DLGAP2: variants seen among roughly 807,000 people sequenced by gnomAD.
DLGAP2 encodes DLG associated protein 2.
Under a neutral mutation model 100.3 loss-of-function variants are expected in DLGAP2, and 26 were observed. That is an observed-to-expected ratio of 0.26 (90% CI 0.19 to 0.36). The LOEUF is 0.36. DLGAP2 is among the 10% of genes least tolerant of loss of function. The probability of loss-of-function intolerance (pLI) is 1.00; values close to 1 mark genes in which losing one functional copy is unlikely to be tolerated. For synonymous variants in DLGAP2, 886 were observed against 630.1 expected (o/e 1.41, Z -6.08); for missense variants, 1,858 against 1,453.2 (o/e 1.28, Z -4.53).
rs528312578 is a variant in DLGAP2 at position 767,993 on chromosome 8, T to C, written c.18+30168T>C. Among the ~76,000 whole-genome samples the C allele has an allele frequency of 5.9e-5, 9 of 152,292 alleles. No homozygotes were observed. In the South Asian group the frequency reaches 1.9e-3, roughly 32 times the overall value. On this transcript the variant is annotated intron_variant, in intron 1 of 14. Transcript: ENST00000637795. ...AGACATTAACTCAGAAAAGCAACACTTCTCTGATGTATAATTTAGAGGGAC... is the reference window on the plus strand; with the variant it reads ...AGACATTAACTCAGAAAAGCAACACCTCTCTGATGTATAATTTAGAGGGAC...
rs1799695825 is a variant in DLGAP2, at chr8:1,706,001, A to G, written c.*4595A>G. 1 of 152,234 alleles carries G rather than the reference A, an allele frequency of 6.6e-6. No homozygotes were observed. The highest frequency in any genetic ancestry group is 2.1e-4 in the South Asian group (1 of 4,836). The allele number at this position is 152,234 out of a possible 1,614,324, so 9.4% of individuals were successfully genotyped here. A position where few individuals can be genotyped will look rare whatever the true frequency, so the allele number is the denominator to read the frequency against. On this transcript the variant is annotated 3_prime_UTR_variant, in exon 15 of 15. Transcript: ENST00000637795. ...ATGTGGCAGCCATGACACACACCACATAAGGTCAGCTCAGAGCCCATGGCT... is the reference window on the plus strand; with the variant it reads ...ATGTGGCAGCCATGACACACACCACGTAAGGTCAGCTCAGAGCCCATGGCT...
At chr8:974,169 A>G (rs904367627) in intron 2 of DLGAP2, among the ~76,000 whole-genome samples, 1 of 152,212 alleles carries the variant, frequency 6.6e-6, no homozygotes, top group African/African-American at 2.4e-5. Context: ...CCAGGAAGCT[A>G]AAAGAACCAG....
intron 2 of DLGAP2, among the ~76,000 whole-genome samples, chr8:1,213,110 G>C (rs1798140469): frequency 6.6e-6 from 1 of 152,082 alleles, no homozygotes; most frequent in Non-Finnish European, 1.5e-5. Context: ...AAGATCTCCA[G>C]GTTTTCCTAG....
rs11136411 is a variant in DLGAP2, at chr8:1,553,408, C to T, written c.1230+3725C>T. Among the ~76,000 whole-genome samples the T allele has an allele frequency of 2.1e-3, 93 of 43,396 alleles. No homozygotes were observed. The East Asian group carries it at 0.035, about 16-fold the overall frequency. The allele number at this position is 43,396 out of a possible 152,430, so 28.5% of individuals were successfully genotyped here. ...TCGGCATGTTCACGGGCAGCAGCCCCATTTTGTTTGGCGTGTTCACGGGCA... is the reference window on the plus strand; with the variant it reads ...TCGGCATGTTCACGGGCAGCAGCCCTATTTTGTTTGGCGTGTTCACGGGCA... On this transcript the variant is annotated intron_variant, in intron 5 of 14. Coordinates refer to ENST00000637795, the MANE Select transcript of DLGAP2 (RefSeq NM_001346810.2).
intron 6 of DLGAP2, among the ~76,000 whole-genome samples, chr8:1,625,060 T>G (rs1169221424): frequency 6.6e-6 from 1 of 152,232 alleles, no homozygotes; most frequent in African/African-American, 2.4e-5. Flanking sequence ...GATATTCCAT[T>G]TTTAAAGACT....
intron 2 of DLGAP2, among the ~76,000 whole-genome samples, chr8:1,249,532 A>C (rs1025278187): frequency 2.6e-5 from 4 of 152,178 alleles, no homozygotes; most frequent in Non-Finnish European, 1.5e-5. Flanking sequence ...ATATTTTGCA[A>C]ATTGTTAAAA....
At chr8:1,370,515 C>T (rs568207195) in intron 3 of DLGAP2, among the ~76,000 whole-genome samples, 1 of 152,192 alleles carries the variant, frequency 6.6e-6, no homozygotes, top group African/African-American at 2.4e-5. Flanking sequence ...ACTTAAGTAA[C>T]AAGTCACATT....
chr8:1,028,809 G>A (rs1464662237), intron 2 of DLGAP2, among the ~76,000 whole-genome samples: 1 of 152,230 alleles, frequency 6.6e-6, no homozygotes, highest in Non-Finnish European at 1.5e-5. Context: ...TTTGATCAGA[G>A]TTGCATTTTC....
intron 1 of DLGAP2, among the ~76,000 whole-genome samples, chr8:822,721 T>C (rs1284910258): frequency 6.6e-6 from 1 of 152,152 alleles, no homozygotes; most frequent in Non-Finnish European, 1.5e-5. Flanking sequence ...GCTGGTGGTG[T>C]GTGGGGAAGC....
intron 2 of DLGAP2, among the ~76,000 whole-genome samples, chr8:1,076,634 C>T (rs2129038468): frequency 6.6e-6 from 1 of 152,334 alleles, no homozygotes; most frequent in Middle Eastern, 3.4e-3. Context: ...TGTACGTCTC[C>T]TTCCCAGCAG....
At chr8:1,509,387 G>A (rs1012709972) in intron 4 of DLGAP2, among the ~76,000 whole-genome samples, 9 of 150,946 alleles carry the variant, frequency 6.0e-5, no homozygotes, top group African/African-American at 2.2e-4. Context: ...TGGATAATAA[G>A]AGCACATGTC....
chr8:973,815 TGGCCCCGC>T (rs796866887), intron 2 of DLGAP2, among the ~76,000 whole-genome samples: 2 of 151,100 alleles, frequency 1.3e-5, no homozygotes, highest in East Asian at 3.9e-4. Flanking sequence ...CTCGGGCCCG[TGGCCCCGC>T]GGCGGTCCGG....
intron 2 of DLGAP2, among the ~76,000 whole-genome samples, chr8:1,177,270 C>T (rs916104307): frequency 6.6e-6 from 1 of 152,012 alleles, no homozygotes; most frequent in Non-Finnish European, 1.5e-5. Flanking sequence ...TTGCCATTGC[C>T]CATATTTATT....
Position 1,644,179 on chromosome 8 carries a change from C to T in DLGAP2, c.1810+11133C>T, listed in dbSNP as rs571818103. Among the ~76,000 whole-genome samples, 127 of 152,302 alleles carry T rather than the reference C, an allele frequency of 8.3e-4. 2 individuals carry two copies. The South Asian group carries it at 9.3e-3, about 11-fold the overall frequency. On this transcript the variant is annotated intron_variant, in intron 8 of 14. Coordinates refer to ENST00000637795, the MANE Select transcript of DLGAP2 (RefSeq NM_001346810.2). ...TTAAGTGCTCACCTGGGTGCCTCCT[C>T]AGCCTCCAGGGGCCTGGCAGGACTT...
rs762583981 is a variant in DLGAP2 at position 1,697,289 on chromosome 8, C to T, written c.2939C>T (p.Pro980Leu). 1.5e-5 allele frequency: 24 copies of T among 1,604,368 alleles called. No individual in the cohort carries two copies. Among genetic ancestry groups the T allele is most frequent in the African/African-American group, 9.4e-5 (7 of 74,636 alleles). Residue 980 changes from proline (P) to leucine (L), a missense_variant, in exon 14 of 15, where the codon CCG (proline) becomes CTG (leucine). Coordinates refer to ENST00000637795, the MANE Select transcript of DLGAP2 (RefSeq NM_001346810.2). ...AACGACTGGAAGATGATGGAGTCCC[C>T]GGAAAGAAAGGTAAGGGCATCCATG... ...RLNDWKMMES[P>L]ERKEERKVPP...
chr8:1,471,951 T>G (rs1038280747), intron 3 of DLGAP2, among the ~76,000 whole-genome samples: 1 of 152,248 alleles, frequency 6.6e-6, no homozygotes, highest in Non-Finnish European at 1.5e-5. Flanking sequence ...ACAACATCAT[T>G]AAATCGTTCT....
intron 4 of DLGAP2, among the ~76,000 whole-genome samples, chr8:1,527,657 G>A (rs17755261): frequency 0.054 from 8,196 of 152,194 alleles, 590 homozygotes; most frequent in African/African-American, 0.15. Flanking sequence ...ATGTGGGAAC[G>A]GAACGGAAAT....
intron 1 of DLGAP2, among the ~76,000 whole-genome samples, chr8:867,507 A>G (rs1234937283): frequency 6.6e-6 from 1 of 152,244 alleles, no homozygotes; most frequent in Non-Finnish European, 1.5e-5. Flanking sequence ...AAAGGGGAAC[A>G]GTGTTGTGAT....
At chr8:1,175,854 A>G (rs928916010) in intron 2 of DLGAP2, among the ~76,000 whole-genome samples, 1 of 152,328 alleles carries the variant, frequency 6.6e-6, no homozygotes. Context: ...ACACAAACCT[A>G]GATTAAAACC....
Sources: allele counts gnomAD v4.1 joint callset (sites outside exome capture counted in the v4.1 genomes callset), GRCh38; gene constraint gnomAD v4.1.1; transcripts MANE v1.5; gene names NCBI Gene and HGNC (gene_info 2026-07-23, HGNC 2026-07-21).